ATAD2: variants seen among roughly 807,000 people sequenced by gnomAD.
ATAD2 encodes ATPase family AAA domain containing 2.
ATAD2 carries 62 observed loss-of-function variants against 168.9 expected under a neutral mutation model. The observed-to-expected ratio is 0.37, with a 90% CI of 0.30 to 0.45. The LOEUF (loss-of-function observed/expected upper bound fraction) is 0.45. Ranked by LOEUF, ATAD2 falls within the 20% of genes least tolerant of loss-of-function variation. The pLI, the probability that ATAD2 is intolerant of heterozygous loss-of-function variation, is 1.00. For missense variants in ATAD2, 1,419 were observed against 1,667.8 expected, an observed-to-expected ratio of 0.85 and a Z score of 2.60; for synonymous variants, 613 against 571.6, an observed-to-expected ratio of 1.07 and a Z score of -1.03.
chr8:123,337,746 C>G lies in ATAD2; in HGVS notation c.2930G>C (p.Arg977Pro), dbSNP rs759693662. 6.2e-7 allele frequency: 1 copy of G among 1,613,598 alleles called. No individual in the cohort carries two copies. The highest frequency in any genetic ancestry group is 8.5e-7 in the Non-Finnish European group (1 of 1,179,802). The change falls in exon 21 of 28, where the codon CGA (arginine) becomes CCA (proline). Residue 977 changes from arginine (R) to proline (P), a missense_variant. This residue lies in a region of ATAD2 where 545 missense variants were observed against 724.9 expected (regional missense o/e 0.75). Transcript: ENST00000287394. ...PRSLTAEEVK[R>P]LEEQEEDTFR... ...TGTATCTTCTTCTTGTTCTTCTAGT[C>G]GTTTCACTTCTTCTGCTGTCAGTGA...
At chr8:123,348,695 A>T (rs940725402) in intron 14 of ATAD2, among the ~76,000 whole-genome samples, 20 of 152,190 alleles carry the variant, frequency 1.3e-4, no homozygotes, top group Admixed American at 6.5e-5. Context: ...AACCAAAAAA[A>T]CTCAATATAA....
At chr8:123,392,764 G>C (rs1050046059) in intron 1 of ATAD2, among the ~76,000 whole-genome samples, 1 of 152,108 alleles carries the variant, frequency 6.6e-6, no homozygotes. Context: ...TTTGTAAAGG[G>C]GTAGAAAAAG....
intron 1 of ATAD2, among the ~76,000 whole-genome samples, chr8:123,414,525 G>A (rs916238384): frequency 1.3e-5 from 2 of 152,128 alleles, no homozygotes; most frequent in Non-Finnish European, 2.9e-5. Context: ...TCAGGAGGCT[G>A]AGGCTGGAGG....
chr8:123,376,562 T>TAC (rs529588632), intron 2 of ATAD2, among the ~76,000 whole-genome samples: 2,671 of 150,246 alleles, frequency 0.018, 47 homozygotes, highest in African/African-American at 0.037. Flanking sequence ...TCAAAAAAAA[T>TAC]ACACACACAC....
chr8:123,351,619 A>G lies in ATAD2; in HGVS notation c.1647-2175T>C, dbSNP rs563981666. Among the ~76,000 whole-genome samples, 8 of 152,304 alleles carry G rather than the reference A, an allele frequency of 5.3e-5. No individual in the cohort carries two copies. In the South Asian group the frequency reaches 6.2e-4, roughly 12 times the overall value. ...TTCATCAACTGCTGAATTACCCTCA[A>G]TCATGGCCTGTATAGGACAGGAAGA... On this transcript the variant is annotated intron_variant, in intron 13 of 27. Transcript: ENST00000287394.
chr8:123,389,526 G>A (rs542369540), intron 1 of ATAD2, among the ~76,000 whole-genome samples: 17 of 151,608 alleles, frequency 1.1e-4, no homozygotes, highest in Non-Finnish European at 1.6e-4. Context: ...TGTAGTCCCA[G>A]CTACTCAGGA....
Position 123,320,991 on chromosome 8 carries a change from C to G in ATAD2, c.*143G>C. ...TTTATCTTAATATGTACATAAATAT[C>G]AGGAAAGTTTAAATACTTTTATTTT... On this transcript the variant is annotated 3_prime_UTR_variant, in exon 28 of 28. Coordinates refer to ENST00000287394, the MANE Select transcript of ATAD2 (RefSeq NM_014109.4). The G allele has an allele frequency of 1.7e-5, 12 of 710,542 alleles. No individual in the cohort carries two copies. In the South Asian group the frequency reaches 2.1e-4, roughly 13 times the overall value. 44.0% of individuals were successfully genotyped at this position (710,542 alleles called of 1,614,324 possible). A position where few individuals can be genotyped will look rare whatever the true frequency, so the allele number is the denominator to read the frequency against.
chr8:123,371,573 A>G (rs1829149115), intron 4 of ATAD2, 97 bp downstream of exon 4: 11 of 1,089,646 alleles, frequency 1.0e-5, no homozygotes, highest in African/African-American at 1.6e-5. Flanking sequence ...ACGTAGTAGA[A>G]TGCATTAAAT....
In ATAD2 at chr8:123,372,698, A is replaced by G. The variant is rs1829183854; in HGVS notation, c.321-12T>C. 3.8e-6 allele frequency: 6 copies of G among 1,561,664 alleles called. No individual in the cohort carries two copies. The East Asian group carries it at 1.4e-4, about 36-fold the overall frequency. ...GTCTGGCCAACTGCCTATATTTTAA[A>G]AAATTAGATTAATTCAAAATAATTG... On this transcript the variant is annotated splice_polypyrimidine_tract_variant and intron_variant, in intron 2 of 27. Coordinates refer to ENST00000287394, the MANE Select transcript of ATAD2 (RefSeq NM_014109.4).
intron 1 of ATAD2, among the ~76,000 whole-genome samples, chr8:123,408,845 T>G (rs1416599487): frequency 6.6e-6 from 1 of 151,270 alleles, no homozygotes; most frequent in African/African-American, 2.4e-5. Context: ...TTTTTTTTTT[T>G]GAGACGGAGT....
Position 123,351,747 on chromosome 8 carries a change from T to TG in ATAD2, c.1647-2304dup, listed in dbSNP as rs199613153. Among the ~76,000 whole-genome samples, 695 of 150,188 alleles carry TG rather than the reference T, an allele frequency of 4.6e-3. 9 individuals are homozygous for TG. Among genetic ancestry groups the TG allele is most frequent in the African/African-American group, 0.016 (664 of 40,424 alleles). On this transcript the variant is annotated intron_variant, in intron 13 of 27. Coordinates refer to ENST00000287394, the MANE Select transcript of ATAD2 (RefSeq NM_014109.4). ...AATTAAAAACATTATTAAAAACTGA[T>TG]GTTTTTTTTTTTTTTTTTGAGACGG...
chr8:123,336,348 T>C (rs767643314), intron 22 of ATAD2, 25 bp downstream of exon 22: 36 of 1,561,294 alleles, frequency 2.3e-5, no homozygotes, highest in Non-Finnish European at 3.0e-5. Context: ...CTCAACCCCC[T>C]GAAAAAAAAT....
At chr8:123,358,480 G>A (rs1828714431) in intron 11 of ATAD2, among the ~76,000 whole-genome samples, 1 of 151,414 alleles carries the variant, frequency 6.6e-6, no homozygotes, top group Non-Finnish European at 1.5e-5. Flanking sequence ...GAGTAGCTGG[G>A]ACAACAGGTG....
chr8:123,381,668 T>C (rs1310856594), intron 1 of ATAD2, among the ~76,000 whole-genome samples: 1 of 152,174 alleles, frequency 6.6e-6, no homozygotes, highest in Non-Finnish European at 1.5e-5. Context: ...CCAAAGTTCA[T>C]ACACCGCTCT....
intron 7 of ATAD2, 195 bp from the exon 8 acceptor site, chr8:123,369,370 C>T: frequency 4.6e-6 from 1 of 216,718 alleles, no homozygotes. Context: ...AGGGTTGCAG[C>T]TGATAACATG....
intron 20 of ATAD2, among the ~76,000 whole-genome samples, chr8:123,338,183 G>A (rs375998022): frequency 4.5e-4 from 69 of 151,966 alleles, no homozygotes; most frequent in Non-Finnish European, 9.0e-4. Flanking sequence ...AGTGAAACCC[G>A]GTCTCTACTA....
intron 13 of ATAD2, among the ~76,000 whole-genome samples, chr8:123,352,874 G>A (rs549655511): frequency 7.3e-5 from 11 of 151,646 alleles, no homozygotes; most frequent in Middle Eastern, 3.4e-3. Context: ...GACCAACCTG[G>A]GCAACAGAGA....
chr8:123,336,296 A>G, intron 22 of ATAD2, 77 bp downstream of exon 22: 3 of 1,256,784 alleles, frequency 2.4e-6, no homozygotes, highest in Admixed American at 5.1e-5. Context: ...ATAATATAGC[A>G]CCTGACACAA....
Position 123,396,412 on chromosome 8 carries a change from C to A in ATAD2, c.-55G>T, listed in dbSNP as rs932000836. ...GACCGGAGAGAGATCCAGCTCCAGG[C>A]GCTCGCAGCTCTGGCTCTTCCGCGC... On this transcript the variant is annotated 5_prime_UTR_variant, in exon 1 of 28. Coordinates refer to ENST00000287394, the MANE Select transcript of ATAD2 (RefSeq NM_014109.4). 16 of 1,464,546 alleles carry A rather than the reference C, an allele frequency of 1.1e-5. No homozygotes were observed. Among genetic ancestry groups the A allele is most frequent in the African/African-American group, 1.5e-5 (1 of 68,274 alleles). The allele number at this position is 1,464,546 out of a possible 1,614,324, so 90.7% of individuals were successfully genotyped here.
Sources: gnomAD v4.1 joint callset for allele counts (sites outside exome capture counted in the v4.1 genomes callset) on GRCh38, gnomAD v4.1.1 for gene constraint, gnomAD v4.1.1 regional missense constraint, MANE v1.5 for transcripts, NCBI Gene and HGNC (gene_info 2026-07-23, HGNC 2026-07-21) for gene names.